The following RYR3 variants were observed in gnomAD, a reference collection of about 807,000 sequenced individuals.
RYR3 encodes the protein ryanodine receptor 3, also known as brain ryanodine receptor-calcium release channel.
In RYR3, 207 loss-of-function variants were observed where a neutral mutation model predicts 584.3. The ratio of observed to expected loss-of-function variants is 0.35; its 90% CI spans 0.32 to 0.40. RYR3 has a LOEUF of 0.40. Ranked by LOEUF, RYR3 falls within the 10% of genes least tolerant of loss-of-function variation. The probability of loss-of-function intolerance (pLI) is 1.00; values close to 1 mark genes in which losing one functional copy is unlikely to be tolerated. For synonymous variants in RYR3, 2,416 were observed against 2,248.5 expected, an observed-to-expected ratio of 1.07 and a Z score of -2.11; for missense variants, 5,616 against 6,089.2, an observed-to-expected ratio of 0.92 and a Z score of 2.59.
intron 21 of RYR3, among the ~76,000 whole-genome samples, chr15:33,629,701 T>C (rs1015941910): frequency 6.6e-6 from 1 of 152,174 alleles, no homozygotes; most frequent in Non-Finnish European, 1.5e-5. Flanking sequence ...GGAAAGTATG[T>C]TCAAAATGCA....
rs181380957 is a variant in RYR3 at position 33,731,557 on chromosome 15, C to G, written c.7287C>G (p.Ala2429=). Residue 2429 remains alanine, a synonymous_variant, in exon 48 of 104, where the codon GCC becomes GCG. Transcript: ENST00000634891. ...SAVLPLLTRC[A]PLFAGTEHCT... ...TGCTCCCGCTCCTCACAAGATGTGC[C>G]CCTCTCTTTGCCGGAACAGAACACT... is the stretch of plus-strand genomic sequence containing the variant. 2.5e-5 allele frequency: 40 copies of G among 1,613,848 alleles called. No homozygotes were observed. In the African/African-American group the frequency reaches 5.2e-4, roughly 21 times the overall value.
chr15:33,647,680 T>C (rs934849284), intron 30 of RYR3, among the ~76,000 whole-genome samples: 3 of 152,208 alleles, frequency 2.0e-5, no homozygotes, highest in African/African-American at 7.2e-5. Flanking sequence ...CTGGAGCTCC[T>C]AACTGGGCAT....
At position 33,853,101 on chromosome 15, in the gene RYR3, G is replaced by A. The variant is rs2079273452; in HGVS notation, c.13671+14G>A. 1 of 1,579,646 alleles carries A rather than the reference G, an allele frequency of 6.3e-7. No homozygotes were observed. Among genetic ancestry groups the A allele is most frequent in the Non-Finnish European group, 8.6e-7 (1 of 1,165,008 alleles). On this transcript the variant is annotated intron_variant, in intron 95 of 103. Transcript: ENST00000634891. ...GTAAAGAGAAAGGTATGCCTTGTTA[G>A]TGGGGGTGAGTTCCGTGATCACCAA...
rs750735778 is a variant in RYR3, at chr15:33,696,510, C to G, written c.6134+19C>G. On this transcript the variant is annotated intron_variant, in intron 39 of 103. Coordinates refer to ENST00000634891, the MANE Select transcript of RYR3 (RefSeq NM_001036.6). ...GGCTGGGGTAGGTGATTCACGGTTACGTGCTGTTCTCTCTAGGAGCTTTAA... is the reference window on the plus strand; with the variant it reads ...GGCTGGGGTAGGTGATTCACGGTTAGGTGCTGTTCTCTCTAGGAGCTTTAA... 2 of 1,612,518 alleles carry G rather than the reference C, an allele frequency of 1.2e-6. No homozygotes were observed. Among genetic ancestry groups the G allele is most frequent in the African/African-American group, 2.7e-5 (2 of 74,882 alleles).
rs1595623484 is a variant in RYR3 at position 33,566,602 on chromosome 15, A to G, written c.1147-76A>G. On this transcript the variant is annotated intron_variant, in intron 11 of 103. Transcript: ENST00000634891. ...GAAAGGAATAAGAGGGATGAGGGCA[A>G]TACTGCGGGAAATGTTGACTGCCCA... 7.4e-6 allele frequency: 11 copies of G among 1,481,280 alleles called. No homozygotes were observed. The East Asian group carries it at 1.8e-4, about 24-fold the overall frequency. 91.8% of individuals were successfully genotyped at this position (1,481,280 alleles called of 1,614,324 possible).
chr15:33,466,792 C>T (rs368299199), intron 1 of RYR3, among the ~76,000 whole-genome samples: 3 of 152,106 alleles, frequency 2.0e-5, no homozygotes, highest in African/African-American at 4.8e-5. Flanking sequence ...TCAGAACATA[C>T]GATTCTTTCA....
chr15:33,473,310 C>T (rs757514425), intron 1 of RYR3, 109 bp from the exon 2 acceptor site: 6 of 1,268,408 alleles, frequency 4.7e-6, no homozygotes, highest in Admixed American at 1.7e-5. Flanking sequence ...ACAAAAAGCA[C>T]GTGGCTGTCA....
rs1381744255 is a variant in RYR3, at chr15:33,662,981, A to G, written c.5418+33A>G. 1.9e-6 allele frequency: 3 copies of G among 1,572,064 alleles called. No homozygotes were observed. The South Asian group carries it at 3.4e-5, about 18-fold the overall frequency. On this transcript the variant is annotated intron_variant, in intron 35 of 103. Transcript: ENST00000634891. ...GCAGGTGGTTAAGTGGAGGCAGGTT[A>G]ATAGATCTTCTGCTTTGATCAAAAT...
intron 1 of RYR3, among the ~76,000 whole-genome samples, chr15:33,445,957 G>A (rs1404491364): frequency 6.6e-6 from 1 of 152,160 alleles, no homozygotes; most frequent in African/African-American, 2.4e-5. Context: ...AGTAGGAAAT[G>A]TTGTAGACTT....
At chr15:33,804,631 C>G (rs2076087124) in intron 69 of RYR3, among the ~76,000 whole-genome samples, 1 of 152,164 alleles carries the variant, frequency 6.6e-6, no homozygotes, top group African/African-American at 2.4e-5. Flanking sequence ...GATACCATGC[C>G]TCCGATAAGA....
chr15:33,624,178 G>A (rs768083594), intron 20 of RYR3, among the ~76,000 whole-genome samples, 155 bp downstream of exon 20: 1 of 152,200 alleles, frequency 6.6e-6, no homozygotes, highest in African/African-American at 2.4e-5. Context: ...TTCACCATGT[G>A]TGTCAATTGG....
chr15:33,465,885 C>G, intron 1 of RYR3: 1 of 471,396 alleles, frequency 2.1e-6, no homozygotes, highest in Non-Finnish European at 4.3e-6. Context: ...CTCTTCCTCC[C>G]TTCCTTTCTT....
intron 1 of RYR3, among the ~76,000 whole-genome samples, chr15:33,376,401 G>C (rs925357909): frequency 2.0e-5 from 3 of 152,136 alleles, no homozygotes; most frequent in African/African-American, 7.2e-5. Flanking sequence ...GTTTATTGCT[G>C]TCATGACTAA....
chr15:33,784,693 T>C (rs1310595959), intron 65 of RYR3, among the ~76,000 whole-genome samples: 1 of 152,158 alleles, frequency 6.6e-6, no homozygotes, highest in African/African-American at 2.4e-5. Flanking sequence ...ATGCAAACCT[T>C]TGGGCTTGTG....
rs558489475 is a variant in RYR3 at position 33,413,718 on chromosome 15, T to TC, written c.52-59694dup. 3.0e-3 allele frequency among the ~76,000 whole-genome samples: 450 copies of TC among 152,110 alleles called. 2 individuals carry two copies. Among genetic ancestry groups the TC allele is most frequent in the East Asian group, 0.012 (62 of 5,174 alleles). ...CTGTGCAGCAGGCCTGTGGTCCTGT[T>TC]CCCCCCCGCTCAGCTCTGCGCTGTT... On this transcript the variant is annotated intron_variant, in intron 1 of 103. Coordinates refer to ENST00000634891, the MANE Select transcript of RYR3 (RefSeq NM_001036.6).
chr15:33,714,966 G>T (rs2067390954), intron 43 of RYR3, among the ~76,000 whole-genome samples: 1 of 152,190 alleles, frequency 6.6e-6, no homozygotes. Context: ...ATGAGACATT[G>T]GCATGCCAAA....
At chr15:33,710,290 G>A (rs931257197) in intron 43 of RYR3, among the ~76,000 whole-genome samples, 6 of 151,746 alleles carry the variant, frequency 4.0e-5, no homozygotes, top group Admixed American at 2.0e-4. Flanking sequence ...GTCACATGGC[G>A]AAAGCAGGAG....
chr15:33,405,416 G>A (rs1319925052), intron 1 of RYR3, among the ~76,000 whole-genome samples: 1 of 152,156 alleles, frequency 6.6e-6, no homozygotes, highest in East Asian at 1.9e-4. Context: ...AAGATTCTAG[G>A]CTGCTAGCAC....
chr15:33,859,345 C>T (rs2080087805), intron 99 of RYR3, among the ~76,000 whole-genome samples: 1 of 152,290 alleles, frequency 6.6e-6, no homozygotes, highest in South Asian at 2.1e-4. Flanking sequence ...CCTAAAAATA[C>T]CTTTTAAAAG....
Sources: gnomAD v4.1 joint callset for allele counts (sites outside exome capture counted in the v4.1 genomes callset) on GRCh38, gnomAD v4.1.1 for gene constraint, MANE v1.5 for transcripts, NCBI Gene and HGNC (gene_info 2026-07-23, HGNC 2026-07-21) for gene names.